PSD3: variants seen among roughly 807,000 people sequenced by gnomAD.
PSD3 encodes the protein pleckstrin and Sec7 domain containing 3, also known as PH and SEC7 domain-containing protein 3.
PSD3 carries 49 observed loss-of-function variants against 105.5 expected under a neutral mutation model. That is an observed-to-expected ratio of 0.46 (90% CI 0.37 to 0.59). PSD3 has a LOEUF of 0.59. PSD3 is among the 20% of genes least tolerant of loss of function. The pLI, the probability that PSD3 is intolerant of heterozygous loss-of-function variation, is 0.00. For missense variants in PSD3, 1,561 were observed against 1,263.8 expected (o/e 1.24, Z -3.57); for synonymous variants, 557 against 457.8 (o/e 1.22, Z -2.77).
intron 1 of PSD3, among the ~76,000 whole-genome samples, chr8:19,071,710 ACTT>A (rs10665798): frequency 7.9e-5 from 12 of 151,074 alleles, no homozygotes; most frequent in African/African-American, 1.7e-4. Flanking sequence ...TCTGCCTCCG[ACTT>A]CTTCTTCTTC....
intron 9 of PSD3, among the ~76,000 whole-genome samples, chr8:18,710,616 A>G (rs1802194180): frequency 6.6e-6 from 1 of 152,200 alleles, no homozygotes; most frequent in Non-Finnish European, 1.5e-5. Flanking sequence ...TACAAAGGGA[A>G]GCCCATGAGA....
rs532673990 is a variant in PSD3, at chr8:18,629,998, C to T, written c.2410+2615G>A. Among the ~76,000 whole-genome samples the T allele has an allele frequency of 2.4e-3, 362 of 151,922 alleles. 1 individual carries two copies. The highest frequency in any genetic ancestry group is 8.4e-3 in the African/African-American group (350 of 41,486). ...TAAAGGCAGCTGAAACTTCCACGCT[C>T]CTCCTGATAGCCCCATGGAAAAACA... On this transcript the variant is annotated intron_variant, in intron 11 of 15. Coordinates refer to ENST00000327040, the MANE Select transcript of PSD3 (RefSeq NM_015310.4).
At chr8:18,989,515 CA>C (rs1825683193) in intron 1 of PSD3, 1 of 152,052 alleles carries the variant, frequency 6.6e-6, no homozygotes, top group African/African-American at 2.4e-5. Flanking sequence ...CTCAAAATAG[CA>C]AGTATAGGTT....
intron 9 of PSD3, among the ~76,000 whole-genome samples, chr8:18,707,786 C>T (rs1801990446): frequency 6.6e-6 from 1 of 152,144 alleles, no homozygotes; most frequent in Non-Finnish European, 1.5e-5. Context: ...AGAGTACAGT[C>T]TGAGATGGAA....
chr8:18,934,105 A>G (rs1821920565), intron 2 of PSD3, among the ~76,000 whole-genome samples: 1 of 152,222 alleles, frequency 6.6e-6, no homozygotes, highest in African/African-American at 2.4e-5. Flanking sequence ...GGCTGTGTAT[A>G]CACTGCCTTC....
At chr8:18,823,380 G>T (rs947577495) in intron 4 of PSD3, among the ~76,000 whole-genome samples, 6 of 152,134 alleles carry the variant, frequency 3.9e-5, no homozygotes, top group Non-Finnish European at 8.8e-5. Flanking sequence ...TCAGTTAAAA[G>T]ATCTTTACCC....
At chr8:18,728,895 G>A (rs573143715) in intron 9 of PSD3, among the ~76,000 whole-genome samples, 8 of 152,276 alleles carry the variant, frequency 5.3e-5, no homozygotes, top group African/African-American at 1.2e-4. Flanking sequence ...GAGGGTGGAC[G>A]CCTCACATGT....
chr8:18,820,008 T>C (rs1027470154), intron 4 of PSD3, among the ~76,000 whole-genome samples: 1 of 152,190 alleles, frequency 6.6e-6, no homozygotes, highest in Non-Finnish European at 1.5e-5. Flanking sequence ...TACAGTGTCT[T>C]CAAAAAGATG....
At chr8:18,951,360 C>T (rs542915184) in intron 1 of PSD3, among the ~76,000 whole-genome samples, 32 of 152,264 alleles carry the variant, frequency 2.1e-4, no homozygotes, top group African/African-American at 7.7e-4. Context: ...TATGATCACA[C>T]CACCGCACTT....
intron 10 of PSD3, among the ~76,000 whole-genome samples, chr8:18,635,136 T>C (rs1406084437): frequency 6.6e-6 from 1 of 152,156 alleles, no homozygotes; most frequent in Non-Finnish European, 1.5e-5. Flanking sequence ...TTGGGAGTTA[T>C]AATAAGGTGT....
intron 11 of PSD3, among the ~76,000 whole-genome samples, chr8:18,625,383 G>C (rs558711162): frequency 6.6e-6 from 1 of 152,112 alleles, no homozygotes; most frequent in Admixed American, 6.6e-5. Flanking sequence ...ATGTCAACAT[G>C]GCCCTACTGT....
intron 8 of PSD3, among the ~76,000 whole-genome samples, chr8:18,768,116 C>CAAAAAAAAAAAAAAAA (rs774203727): frequency 1.0e-5 from 1 of 97,334 alleles, no homozygotes; most frequent in African/African-American, 4.2e-5. Flanking sequence ...ACTGAAAATA[C>CAAAAAAAAAAAAAAAA]AAAAAAAAAA....
intron 13 of PSD3, among the ~76,000 whole-genome samples, 194 bp downstream of exon 13, chr8:18,574,934 T>C (rs2717752): frequency 0.94 from 142,967 of 152,214 alleles, 67,239 homozygotes; most frequent in Admixed American, 0.96. Context: ...TTGTAACAGG[T>C]AAAAATGTAA....
chr8:18,694,426 T>C (rs543913568), intron 9 of PSD3, among the ~76,000 whole-genome samples: 4 of 151,976 alleles, frequency 2.6e-5, no homozygotes, highest in African/African-American at 4.8e-5. Context: ...CTGGCTAAGA[T>C]GGTGAAACCC....
chr8:18,918,465 A>G (rs1563419554), intron 2 of PSD3, among the ~76,000 whole-genome samples: 1 of 152,168 alleles, frequency 6.6e-6, no homozygotes, highest in Non-Finnish European at 1.5e-5. Flanking sequence ...TTCTCCAACC[A>G]GACTTCACAG....
intron 1 of PSD3, among the ~76,000 whole-genome samples, chr8:18,992,543 C>G (rs1036662061): frequency 6.6e-6 from 1 of 152,094 alleles, no homozygotes; most frequent in East Asian, 1.9e-4. Flanking sequence ...AAGAAGTTGA[C>G]GAACTGAAAG....
chr8:18,964,057 T>C (rs1219410968), intron 1 of PSD3, among the ~76,000 whole-genome samples: 2 of 152,204 alleles, frequency 1.3e-5, no homozygotes, highest in Non-Finnish European at 2.9e-5. Flanking sequence ...ATAGGCAAAA[T>C]ACCTCAATTA....
intron 11 of PSD3, among the ~76,000 whole-genome samples, chr8:18,614,340 T>TCCCCCCCC (rs150517140): frequency 6.4e-5 from 6 of 93,602 alleles, no homozygotes; most frequent in African/African-American, 1.5e-4. Flanking sequence ...TTCTCCCCCA[T>TCCCCCCCC]CCCCCCCCCA....
At chr8:18,917,781 T>C (rs1467223000) in intron 2 of PSD3, among the ~76,000 whole-genome samples, 2 of 152,120 alleles carry the variant, frequency 1.3e-5, no homozygotes, top group Non-Finnish European at 2.9e-5. Context: ...TCTCCAAGGA[T>C]GGCAGACCAA....
Sources: allele counts gnomAD v4.1 joint callset (sites outside exome capture counted in the v4.1 genomes callset), GRCh38; gene constraint gnomAD v4.1.1; transcripts MANE v1.5; gene names NCBI Gene and HGNC (gene_info 2026-07-23, HGNC 2026-07-21).